Variants in CNTN4 observed in about 807,000 individuals in gnomAD.
CNTN4 encodes contactin-4.
A neutral mutation model predicts 122.5 loss-of-function variants in CNTN4; 77 were observed. The observed-to-expected ratio is 0.63, with a 90% confidence interval of 0.52 to 0.76. The LOEUF (loss-of-function observed/expected upper bound fraction) is 0.76, where lower values mean the gene tolerates loss of function less well. CNTN4 is among the 30% of genes least tolerant of loss of function. The pLI is 0.00. For synonymous variants in CNTN4, 512 were observed against 447.0 expected (o/e 1.15, Z -1.83); for missense variants, 1,256 against 1,259.1 (o/e 1.00, Z 0.04).
intron 2 of CNTN4, among the ~76,000 whole-genome samples, chr3:2,204,610 T>G (rs561691094): frequency 8.5e-4 from 129 of 152,280 alleles, no homozygotes; most frequent in Admixed American, 8.3e-3. Flanking sequence ...AACAATTAAC[T>G]TATAAATCTT....
At position 3,026,268 on chromosome 3, in the gene CNTN4, A is replaced by G; in HGVS notation, c.1653A>G (p.Arg551=). 1.2e-6 allele frequency: 2 copies of G among 1,613,260 alleles called. No homozygotes were observed. The highest frequency in any genetic ancestry group is 1.7e-6 in the Non-Finnish European group (2 of 1,179,346). The part of the protein sequence containing the change: ...DFDRDGDHFE[R]VGGQDSAGDL... The stretch of plus-strand genomic sequence containing the variant: ...ACAGAGATGGGGACCACTTTGAAAG[A>G]GTTGGAGGGGTAAGTATTAATAGCA... The change falls in exon 15 of 25, where the codon AGA becomes AGG. Residue 551 remains arginine (R), a synonymous_variant. Transcript: ENST00000418658.
chr3:2,728,086 A>G (rs1287454943), intron 4 of CNTN4, among the ~76,000 whole-genome samples: 2 of 152,204 alleles, frequency 1.3e-5, no homozygotes, highest in Non-Finnish European at 2.9e-5. Flanking sequence ...TGTCTGTCTT[A>G]TAAATACTAA....
chr3:3,056,962 A>G lies in CNTN4; in HGVS notation c.*742A>G, dbSNP rs951840614. The G allele has an allele frequency of 1.3e-5, 2 of 152,640 alleles. No individual in the cohort carries two copies. Among genetic ancestry groups the G allele is most frequent in the African/African-American group, 4.8e-5 (2 of 41,464 alleles). 9.5% of individuals were successfully genotyped at this position (152,640 alleles called of 1,614,324 possible). A position where few individuals can be genotyped will look rare whatever the true frequency, so the allele number is the denominator to read the frequency against. ...TCCCTGAATTTAGCATTGTACAGGA[A>G]GATTTTCTTTTCACTCAACTGAGTT... On this transcript the variant is annotated 3_prime_UTR_variant, in exon 25 of 25. Transcript: ENST00000418658.
chr3:2,331,476 T>C (rs573706822), intron 2 of CNTN4, among the ~76,000 whole-genome samples: 39 of 152,286 alleles, frequency 2.6e-4, no homozygotes, highest in Non-Finnish European at 4.3e-4. Context: ...TCCCTATGAT[T>C]ATGACAACCA....
chr3:2,785,922 C>A (rs1319097987), intron 6 of CNTN4, among the ~76,000 whole-genome samples: 7 of 140,074 alleles, frequency 5.0e-5, no homozygotes, highest in Non-Finnish European at 1.1e-4. Flanking sequence ...CATCCTGTAC[C>A]CATAAAAACC....
At chr3:2,414,902 A>T (rs1010453105) in intron 3 of CNTN4, among the ~76,000 whole-genome samples, 2 of 152,244 alleles carry the variant, frequency 1.3e-5, no homozygotes, top group African/African-American at 4.8e-5. Flanking sequence ...TTATTTGTAC[A>T]TTAAAGGAAA....
intron 3 of CNTN4, among the ~76,000 whole-genome samples, chr3:2,444,544 G>A (rs910671967): frequency 5.3e-5 from 8 of 152,294 alleles, no homozygotes; most frequent in African/African-American, 1.7e-4. Flanking sequence ...CAGAAATGGC[G>A]AGTGTAGAGG....
intron 7 of CNTN4, chr3:2,866,546 T>A: frequency 7.8e-7 from 1 of 1,279,774 alleles, no homozygotes; most frequent in Non-Finnish European, 1.0e-6. Flanking sequence ...TTTACTTCTC[T>A]GGAAATAAAA....
At chr3:2,552,509 C>G (rs1041169887) in intron 3 of CNTN4, among the ~76,000 whole-genome samples, 3 of 152,116 alleles carry the variant, frequency 2.0e-5, no homozygotes, top group East Asian at 1.9e-4. Context: ...TGGACTCTAC[C>G]TAACCTCAGA....
chr3:2,216,465 C>T (rs1231959032), intron 2 of CNTN4, among the ~76,000 whole-genome samples: 1 of 151,998 alleles, frequency 6.6e-6, no homozygotes, highest in Non-Finnish European at 1.5e-5. Flanking sequence ...ATGAAATAAT[C>T]TCTACAACAA....
At chr3:2,623,918 C>G (rs1576258201) in intron 4 of CNTN4, among the ~76,000 whole-genome samples, 1 of 152,220 alleles carries the variant, frequency 6.6e-6, no homozygotes, top group East Asian at 1.9e-4. Flanking sequence ...CAAAAAAACC[C>G]TGTCTGTTCA....
intron 4 of CNTN4, among the ~76,000 whole-genome samples, chr3:2,675,368 ACT>A (rs2084786479): frequency 1.3e-5 from 2 of 152,038 alleles, no homozygotes; most frequent in East Asian, 1.9e-4. Context: ...AACATGCCTG[ACT>A]CTGTCTCACA....
intron 3 of CNTN4, among the ~76,000 whole-genome samples, chr3:2,441,659 T>C (rs1047590168): frequency 6.6e-6 from 1 of 152,202 alleles, no homozygotes; most frequent in Non-Finnish European, 1.5e-5. Context: ...AGAGAGAGTG[T>C]TACTTAGCCC....
At chr3:2,705,844 A>G (rs1299929488) in intron 4 of CNTN4, among the ~76,000 whole-genome samples, 17 of 101,324 alleles carry the variant, frequency 1.7e-4, no homozygotes, top group African/African-American at 5.9e-4. Context: ...ATAATATATA[A>G]TATATAATAT....
chr3:2,701,532 T>A (rs765433019), intron 4 of CNTN4, among the ~76,000 whole-genome samples: 3 of 152,166 alleles, frequency 2.0e-5, no homozygotes, highest in Non-Finnish European at 4.4e-5. Context: ...ATCCAATTTG[T>A]GTTTTGCTTT....
intron 2 of CNTN4, among the ~76,000 whole-genome samples, chr3:2,136,448 CTAAT>C (rs1388476736): frequency 6.6e-6 from 1 of 152,078 alleles, no homozygotes; most frequent in Non-Finnish European, 1.5e-5. Flanking sequence ...CAACTAATAA[CTAAT>C]TAATTAATGT....
chr3:2,789,417 A>G (rs780487952), intron 6 of CNTN4, among the ~76,000 whole-genome samples: 3 of 152,192 alleles, frequency 2.0e-5, no homozygotes, highest in Non-Finnish European at 4.4e-5. Context: ...CTAGTTGCCA[A>G]AGTGGATGCA....
chr3:2,459,512 T>C (rs1348133896), intron 3 of CNTN4, among the ~76,000 whole-genome samples: 1 of 152,128 alleles, frequency 6.6e-6, no homozygotes, highest in African/African-American at 2.4e-5. Context: ...GAAAAAGTCA[T>C]GTATGGTATT....
Position 2,900,872 on chromosome 3 carries a change from A to G in CNTN4, c.1077+51A>G, listed in dbSNP as rs373137191. The G allele has an allele frequency of 7.5e-6, 12 of 1,603,782 alleles. 1 individual carries two copies. Among genetic ancestry groups the G allele is most frequent in the South Asian group, 3.3e-5 (3 of 90,782 alleles). ...CTTAGTCTTGACTATAACGTTTAAT[A>G]TAGCCTCATTGCCGTGGAAACGGGA... On this transcript the variant is annotated intron_variant, in intron 11 of 24. Transcript: ENST00000418658.
Sources: allele counts gnomAD v4.1 joint callset (sites outside exome capture counted in the v4.1 genomes callset), GRCh38; gene constraint gnomAD v4.1.1; transcripts MANE v1.5; gene names NCBI Gene and HGNC (gene_info 2026-07-23, HGNC 2026-07-21).